Variants in NTRK2 observed in about 807,000 individuals in gnomAD.
NTRK2 encodes the protein neurotrophic receptor tyrosine kinase 2.
In NTRK2, 13 loss-of-function variants were observed where a neutral mutation model predicts 94.5. The observed-to-expected ratio is 0.14, with a 90% CI of 0.09 to 0.22. NTRK2 has a LOEUF of 0.22. Among genes scored for constraint, NTRK2 ranks in the 10% least tolerant of loss-of-function variants. The pLI, the probability that NTRK2 is intolerant of heterozygous loss-of-function variation, is 1.00. For missense variants in NTRK2, 639 were observed against 1,071.2 expected (o/e 0.60, Z 5.63); for synonymous variants, 372 against 407.4 (o/e 0.91, Z 1.05).
intron 9 of NTRK2, among the ~76,000 whole-genome samples, chr9:84,728,635 TA>T (rs1239610885): frequency 1.3e-5 from 2 of 152,104 alleles, no homozygotes; most frequent in African/African-American, 4.8e-5. Context: ...GATGAGAAAT[TA>T]GTGTCTTGGA....
In NTRK2 at chr9:85,020,247, A is replaced by G; in HGVS notation, c.2214A>G (p.Pro738=). The change falls in exon 18 of 19, where the codon CCA becomes CCG. Residue 738 remains proline (P), a synonymous_variant. Coordinates refer to ENST00000277120, the MANE Select transcript of NTRK2 (RefSeq NM_006180.6). The part of the protein sequence containing the change: ...HTMLPIRWMP[P]ESIMYRKFTT... The stretch of plus-strand genomic sequence containing the variant: ...TGCTGCCCATTCGCTGGATGCCTCC[A>G]GAGAGCATCATGTACAGGAAATTCA... The G allele has an allele frequency of 6.2e-7, 1 of 1,614,166 alleles. No homozygotes were observed. The highest frequency in any genetic ancestry group is 8.5e-7 in the Non-Finnish European group (1 of 1,180,010).
intron 15 of NTRK2, among the ~76,000 whole-genome samples, chr9:84,944,502 C>A (rs1383404109): frequency 6.6e-6 from 1 of 152,162 alleles, no homozygotes; most frequent in African/African-American, 2.4e-5. Flanking sequence ...TTTGTTCATG[C>A]CTTGTGATAA....
intron 16 of NTRK2, among the ~76,000 whole-genome samples, chr9:84,949,239 A>G (rs917087595): frequency 2.6e-5 from 4 of 152,214 alleles, no homozygotes; most frequent in Non-Finnish European, 5.9e-5. Flanking sequence ...GGAAGGAGGT[A>G]AAAACATTGA....
Position 84,693,568 on chromosome 9 carries a change from G to A in NTRK2, c.213-8591G>A, listed in dbSNP as rs75718082. Among the ~76,000 whole-genome samples, 510 of 152,212 alleles carry A rather than the reference G, an allele frequency of 3.4e-3. 15 individuals carry two copies. In the East Asian group the frequency reaches 0.065, roughly 19 times the overall value. ...AATTCAAATTTCCTCTTGCACTAGAGGCTGGGTGACATTAAGCTCACCAGC... is the reference window on the plus strand; with the variant it reads ...AATTCAAATTTCCTCTTGCACTAGAAGCTGGGTGACATTAAGCTCACCAGC... On this transcript the variant is annotated intron_variant, in intron 2 of 18. Transcript: ENST00000277120.
At chr9:84,886,738 C>G (rs1439962302) in intron 14 of NTRK2, among the ~76,000 whole-genome samples, 1 of 152,122 alleles carries the variant, frequency 6.6e-6, no homozygotes, top group Non-Finnish European at 1.5e-5. Context: ...TTGAGCTGAC[C>G]CCTCATCAGC....
At chr9:84,944,422 C>T (rs1439553008) in intron 15 of NTRK2, among the ~76,000 whole-genome samples, 1 of 152,152 alleles carries the variant, frequency 6.6e-6, no homozygotes, top group African/African-American at 2.4e-5. Context: ...GCCACCATGC[C>T]TGGCCCAATC....
chr9:84,733,040 A>G (rs2062999622), intron 9 of NTRK2, among the ~76,000 whole-genome samples: 1 of 152,158 alleles, frequency 6.6e-6, no homozygotes, highest in South Asian at 2.1e-4. Flanking sequence ...CCCTAGGTGT[A>G]CAGGTCAAGC....
chr9:84,707,901 C>G lies in NTRK2; in HGVS notation c.417C>G (p.Asp139Glu), dbSNP rs773840958. ...CTAGGAAACATTTCCGTCACCTTGA[C>G]TTGTCTGAACTGTAAGTAATGATTT... Reference protein sequence around the residue: ...SLSRKHFRHLDLSELILVGNP... With the variant: ...SLSRKHFRHLELSELILVGNP... The change falls in exon 5 of 19, where the codon GAC (aspartate) becomes GAG (glutamate). Residue 139 changes from aspartate to glutamate, a missense_variant. By Grantham distance (45) the Asp-to-Glu change is conservative. Transcript: ENST00000277120. 6.2e-7 allele frequency: 1 copy of G among 1,612,286 alleles called. No individual in the cohort carries two copies. Among genetic ancestry groups the G allele is most frequent in the Non-Finnish European group, 8.5e-7 (1 of 1,178,782 alleles).
intron 17 of NTRK2, among the ~76,000 whole-genome samples, chr9:84,983,635 C>T (rs1238158755): frequency 6.6e-6 from 1 of 152,120 alleles, no homozygotes; most frequent in Non-Finnish European, 1.5e-5. Flanking sequence ...GCTGTGGGAG[C>T]CTTGATCCCA....
At chr9:84,953,378 A>G (rs1823714619) in intron 16 of NTRK2, among the ~76,000 whole-genome samples, 1 of 152,248 alleles carries the variant, frequency 6.6e-6, no homozygotes, top group Non-Finnish European at 1.5e-5. Context: ...TCCTCCTCAC[A>G]TCAATGCCCT....
intron 14 of NTRK2, among the ~76,000 whole-genome samples, chr9:84,878,748 T>A (rs569056331): frequency 1.3e-5 from 2 of 152,330 alleles, no homozygotes; most frequent in Middle Eastern, 3.4e-3. Context: ...ATTTTTAGCA[T>A]TTCCTTAATT....
rs563633129 is a variant in NTRK2, at chr9:84,902,231, C to T, written c.1634-31931C>T. On this transcript the variant is annotated intron_variant, in intron 14 of 18. Transcript: ENST00000277120. Reference sequence around the variant, plus strand: ...AATTAAAAATTAAAAAAAAAAAAGACTGCCATCAATACTATTGGTGTTTTC... The same window carrying T: ...AATTAAAAATTAAAAAAAAAAAAGATTGCCATCAATACTATTGGTGTTTTC... Among the ~76,000 whole-genome samples the T allele has an allele frequency of 1.2e-3, 182 of 151,242 alleles. 1 individual carries two copies. The highest frequency in any genetic ancestry group is 2.0e-3 in the Non-Finnish European group (135 of 67,798).
intron 14 of NTRK2, among the ~76,000 whole-genome samples, chr9:84,904,191 T>A (rs2077010184): frequency 6.6e-6 from 1 of 152,246 alleles, no homozygotes; most frequent in South Asian, 2.1e-4. Flanking sequence ...ATGTCTTTAA[T>A]GCATTCCTCT....
At chr9:84,831,892 C>A (rs2073570459) in intron 12 of NTRK2, among the ~76,000 whole-genome samples, 1 of 152,156 alleles carries the variant, frequency 6.6e-6, no homozygotes. Flanking sequence ...GTAAGATAAA[C>A]CTCTAAAAAA....
intron 7 of NTRK2, among the ~76,000 whole-genome samples, chr9:84,723,970 C>G (rs777073204): frequency 8.5e-5 from 13 of 152,176 alleles, no homozygotes; most frequent in Non-Finnish European, 1.6e-4. Flanking sequence ...CTGAACAAAG[C>G]GAGTGACTTT....
intron 2 of NTRK2, among the ~76,000 whole-genome samples, chr9:84,675,045 C>T (rs2058948498): frequency 6.6e-6 from 1 of 152,118 alleles, no homozygotes; most frequent in South Asian, 2.1e-4. Context: ...CAATGTGGTC[C>T]CAGTTCCCTA....
At chr9:84,843,126 G>A (rs573346421) in intron 12 of NTRK2, among the ~76,000 whole-genome samples, 1 of 152,286 alleles carries the variant, frequency 6.6e-6, no homozygotes, top group Admixed American at 6.5e-5. Flanking sequence ...CTAATAAAAT[G>A]CCTCATGCGT....
chr9:84,770,134 C>T (rs1431203228), intron 12 of NTRK2, among the ~76,000 whole-genome samples: 1 of 147,252 alleles, frequency 6.8e-6, no homozygotes, highest in Non-Finnish European at 1.5e-5. Flanking sequence ...CTCCTCCCCA[C>T]TCCTGGCATG....
At position 84,929,146 on chromosome 9, in the gene NTRK2, G is replaced by A. The variant is rs555566893; in HGVS notation, c.1634-5016G>A. Among the ~76,000 whole-genome samples, 25 of 152,250 alleles carry A rather than the reference G, an allele frequency of 1.6e-4. No homozygotes were observed. In the South Asian group the frequency reaches 4.4e-3, roughly 27 times the overall value. On this transcript the variant is annotated intron_variant, in intron 14 of 18. Transcript: ENST00000277120. ...TTATCTATTGCCTGTGTGTATATAT[G>A]GAATATGTACTTCTGGGAGGAATCT... is the stretch of plus-strand genomic sequence containing the variant.
Sources: allele counts gnomAD v4.1 joint callset (sites outside exome capture counted in the v4.1 genomes callset), GRCh38; gene constraint gnomAD v4.1.1; transcripts MANE v1.5; gene names NCBI Gene and HGNC (gene_info 2026-07-23, HGNC 2026-07-21).